PAK3: variants seen among roughly 807,000 people sequenced by gnomAD.
PAK3 encodes the protein p21 (RAC1) activated kinase 3.
Under a neutral mutation model 41.0 loss-of-function variants are expected in PAK3, and 4 were observed. That is an observed-to-expected ratio of 0.10 (90% confidence interval 0.05 to 0.22). The LOEUF (loss-of-function observed/expected upper bound fraction) is 0.22. Among genes scored for constraint, PAK3 ranks in the 10% least tolerant of loss-of-function variants. The probability of loss-of-function intolerance (pLI) is 1.00; values close to 1 mark genes in which losing one functional copy is unlikely to be tolerated. For synonymous variants in PAK3, 146 were observed against 139.6 expected (o/e 1.05, Z -0.32); for missense variants, 205 against 409.9 (o/e 0.50, Z 4.32).
chrX:110,959,667 C>T (rs2090938323), intron 1 of PAK3, among the ~76,000 whole-genome samples: 1 of 111,314 alleles, frequency 9.0e-6, no homozygotes, highest in African/African-American at 3.3e-5. Context: ...TTTCACACCA[C>T]TGGTACCTGC....
intron 1 of PAK3, among the ~76,000 whole-genome samples, chrX:111,025,267 C>A (rs1248141706): frequency 9.1e-6 from 1 of 110,418 alleles, no homozygotes; most frequent in East Asian, 2.9e-4. Context: ...AACCTAAACC[C>A]AGCAGAAGCA....
At chrX:111,140,793 C>T (rs2093859833) in intron 5 of PAK3, among the ~76,000 whole-genome samples, 1 of 111,602 alleles carries the variant, frequency 9.0e-6, no homozygotes, top group Non-Finnish European at 1.9e-5. Context: ...TGCCCCATAT[C>T]TCTGTCCTGT....
chrX:110,971,950 C>T (rs1006637306), intron 1 of PAK3, among the ~76,000 whole-genome samples: 4 of 111,342 alleles, frequency 3.6e-5, no homozygotes, highest in African/African-American at 1.3e-4. Flanking sequence ...CCTAATAAAA[C>T]TTCTTGGCAC....
chrX:111,189,934 T>C (rs2094546655), intron 11 of PAK3, among the ~76,000 whole-genome samples: 1 of 111,869 alleles, frequency 8.9e-6, no homozygotes, highest in African/African-American at 3.2e-5. Flanking sequence ...AGAAGAAATG[T>C]TTTCTTCACA....
chrX:111,102,644 T>C (rs894603909), intron 3 of PAK3, among the ~76,000 whole-genome samples: 5 of 112,608 alleles, frequency 4.4e-5, no homozygotes, highest in African/African-American at 1.6e-4. Context: ...CCAACCTTCA[T>C]TGGCCATTGT....
At chrX:111,050,222 G>T (rs1447807230) in intron 1 of PAK3, among the ~76,000 whole-genome samples, 4 of 111,097 alleles carry the variant, frequency 3.6e-5, no homozygotes, top group Non-Finnish European at 5.7e-5. Flanking sequence ...GGGGGTTCCT[G>T]GTATGGGCTG....
intron 5 of PAK3, among the ~76,000 whole-genome samples, chrX:111,127,397 T>G (rs761782876): frequency 1.8e-5 from 2 of 110,058 alleles, no homozygotes; most frequent in Non-Finnish European, 3.8e-5. Flanking sequence ...GTCCTTTTAA[T>G]AGCTACATTT....
At chrX:111,181,477 T>TC (rs970402029) in intron 11 of PAK3, among the ~76,000 whole-genome samples, 28 of 110,485 alleles carry the variant, frequency 2.5e-4, no homozygotes, top group Admixed American at 1.8e-3. Flanking sequence ...AAGCCCTCAG[T>TC]CCCCCCCGTC....
chrX:111,217,507 C>G, intron 17 of PAK3: 1 of 969,644 alleles, frequency 1.0e-6, no homozygotes, highest in Non-Finnish European at 1.3e-6. Context: ...CTAGCCTACT[C>G]CCTGAAAGAA....
At chrX:110,986,222 T>TC (rs1164325808) in intron 1 of PAK3, among the ~76,000 whole-genome samples, 2 of 112,117 alleles carry the variant, frequency 1.8e-5, no homozygotes, top group African/African-American at 6.5e-5. Context: ...GGAATCTTTC[T>TC]GACATCACAT....
intron 4 of PAK3, among the ~76,000 whole-genome samples, chrX:111,109,797 G>T (rs2093338363): frequency 8.9e-6 from 1 of 112,280 alleles, no homozygotes; most frequent in Non-Finnish European, 1.9e-5. Context: ...AAACGCCACA[G>T]TGGAAGCACA....
chrX:110,967,024 C>T (rs1373076828), intron 1 of PAK3, among the ~76,000 whole-genome samples: 9 of 112,178 alleles, frequency 8.0e-5, no homozygotes, highest in Non-Finnish European at 1.7e-4. Context: ...TGCTAGATTA[C>T]TCAACAAGAC....
intron 16 of PAK3, among the ~76,000 whole-genome samples, chrX:111,207,317 A>G (rs1444067886): frequency 1.8e-5 from 2 of 110,407 alleles, no homozygotes; most frequent in African/African-American, 6.6e-5. Context: ...ACCAACCACA[A>G]ATCAAAAGCA....
chrX:111,003,120 A>T (rs1390526053), intron 1 of PAK3, among the ~76,000 whole-genome samples: 1 of 110,491 alleles, frequency 9.1e-6, no homozygotes, highest in Non-Finnish European at 1.9e-5. Flanking sequence ...CATGTGGAGC[A>T]TCAACTTGCA....
At chrX:111,070,787 A>C (rs952760727) in intron 1 of PAK3, among the ~76,000 whole-genome samples, 4 of 111,898 alleles carry the variant, frequency 3.6e-5, no homozygotes, top group Non-Finnish European at 5.6e-5. Context: ...ACCTGAAAAC[A>C]TTGCATTTGA....
upstream of PAK3, among the ~76,000 whole-genome samples, chrX:111,092,644 C>T (rs779164153): frequency 9.0e-6 from 1 of 111,588 alleles, no homozygotes; most frequent in African/African-American, 3.3e-5. Context: ...GATAGTTTCA[C>T]AGGTGTATAC....
intron 1 of PAK3, among the ~76,000 whole-genome samples, chrX:111,022,165 G>A (rs2092194918): frequency 9.0e-6 from 1 of 111,197 alleles, no homozygotes; most frequent in Non-Finnish European, 1.9e-5. Flanking sequence ...CCAAATACAA[G>A]AAGCTCAAAG....
chrX:111,174,272 G>A (rs750853589), intron 11 of PAK3, among the ~76,000 whole-genome samples: 1 of 110,872 alleles, frequency 9.0e-6, no homozygotes, highest in East Asian at 2.9e-4. Context: ...TATATCTCAG[G>A]AAATAAGGGA....
chrX:111,062,037 T>G (rs2092661027), intron 1 of PAK3, among the ~76,000 whole-genome samples: 1 of 111,296 alleles, frequency 9.0e-6, no homozygotes, highest in Admixed American at 9.6e-5. Flanking sequence ...CAGCTGAACT[T>G]GAACTTCTGG....
Sources: allele counts gnomAD v4.1 joint callset (sites outside exome capture counted in the v4.1 genomes callset), GRCh38; gene constraint gnomAD v4.1.1; transcripts MANE v1.5; gene names NCBI Gene and HGNC (gene_info 2026-07-23, HGNC 2026-07-21).